TMEM164: variants seen among roughly 807,000 people sequenced by gnomAD.
TMEM164 encodes the protein transmembrane protein 164.
A neutral mutation model predicts 18.8 loss-of-function variants in TMEM164; 4 were observed. The ratio of observed to expected loss-of-function variants is 0.21; its 90% confidence interval spans 0.10 to 0.49. The LOEUF is 0.49. Ranked by LOEUF, TMEM164 falls within the 20% of genes least tolerant of loss-of-function variation. The probability of loss-of-function intolerance (pLI) is 0.98; values close to 1 mark genes in which losing one functional copy is unlikely to be tolerated. For missense variants in TMEM164, 108 were observed against 239.9 expected, an observed-to-expected ratio of 0.45 and a Z score of 3.63; for synonymous variants, 86 against 101.7, an observed-to-expected ratio of 0.85 and a Z score of 0.93.
chrX:110,134,497 T>C, intron 4 of TMEM164, among the ~76,000 whole-genome samples: 1 of 97,714 alleles, frequency 1.0e-5, no homozygotes, highest in East Asian at 3.1e-4. Flanking sequence ...GAGGCAGAGG[T>C]TGCAGTAAGC....
chrX:110,081,892 C>T (rs1003147556), intron 3 of TMEM164, among the ~76,000 whole-genome samples: 2 of 112,365 alleles, frequency 1.8e-5, no homozygotes, highest in Non-Finnish European at 3.8e-5. Context: ...AGGGGTATGA[C>T]GTGTGCAGCA....
intron 3 of TMEM164, among the ~76,000 whole-genome samples, chrX:110,079,813 C>A (rs905796044): frequency 5.1e-5 from 5 of 97,559 alleles, no homozygotes; most frequent in African/African-American, 1.9e-4. Context: ...AAAATGATGA[C>A]ACTCTGGGGA....
chrX:110,073,347 T>C lies in TMEM164; in HGVS notation c.440+5951T>C, dbSNP rs774085728. Among the ~76,000 whole-genome samples, 3 of 112,071 alleles carry C rather than the reference T, an allele frequency of 2.7e-5. No homozygotes were observed. The East Asian group carries it at 8.4e-4, about 31-fold the overall frequency. On this transcript the variant is annotated intron_variant, in intron 3 of 6. Coordinates refer to ENST00000372068, the MANE Select transcript of TMEM164 (RefSeq NM_032227.4). ...TACTATGCCTGGCTTGTTTTAACTA[T>C]CTTTATGTCTATGTGTATCTAATGT...
chrX:110,116,303 T>G (rs758975780), intron 4 of TMEM164, among the ~76,000 whole-genome samples: 37 of 112,342 alleles, frequency 3.3e-4, no homozygotes, highest in African/African-American at 1.2e-3. Flanking sequence ...AACGACTTGC[T>G]CAGAGTTACA....
chrX:110,093,974 A>G (rs1435801507), intron 3 of TMEM164, among the ~76,000 whole-genome samples: 1 of 111,440 alleles, frequency 9.0e-6, no homozygotes, highest in Non-Finnish European at 1.9e-5. Context: ...CAGGTTGTTC[A>G]GTTTCCATGT....
chrX:110,068,756 C>T (rs1204320744), intron 3 of TMEM164, among the ~76,000 whole-genome samples: 1 of 110,745 alleles, frequency 9.0e-6, no homozygotes, highest in East Asian at 2.8e-4. Context: ...CTAGTTCTAC[C>T]TTTCCACACT....
At chrX:110,005,527 G>T (rs1932646337) in intron 2 of TMEM164, among the ~76,000 whole-genome samples, 2 of 111,989 alleles carry the variant, frequency 1.8e-5, no homozygotes, top group Middle Eastern at 4.6e-3. Context: ...AATGACCCCA[G>T]CCCCTTCCCT....
intron 4 of TMEM164, among the ~76,000 whole-genome samples, chrX:110,129,101 C>T: frequency 3.1e-5 from 1 of 32,704 alleles, no homozygotes. Flanking sequence ...TGGAATCATG[C>T]TAAATGAATT....
intron 5 of TMEM164, among the ~76,000 whole-genome samples, chrX:110,151,272 A>G (rs2066934813): frequency 8.9e-6 from 1 of 111,911 alleles, no homozygotes; most frequent in African/African-American, 3.3e-5. Context: ...GCTGAATCAC[A>G]GTATATGCAT....
At position 110,130,681 on chromosome X, in the gene TMEM164, C is replaced by CT. The variant is rs752247755; in HGVS notation, c.508-14102dup. Among the ~76,000 whole-genome samples, 257 of 96,146 alleles carry CT rather than the reference C, an allele frequency of 2.7e-3. 2 individuals carry two copies. The highest frequency in any genetic ancestry group is 5.2e-3 in the Middle Eastern group (1 of 191). The allele number at this position is 96,146 out of a possible 115,157, so 83.5% of individuals were successfully genotyped here. ...AGGTAGGGGTTGAATACCTCTGTAT[C>CT]TTTTTTTTTTTTTTTAGGGAAATAT... On this transcript the variant is annotated intron_variant, in intron 4 of 6. Transcript: ENST00000372068.
intron 3 of TMEM164, among the ~76,000 whole-genome samples, chrX:110,096,309 C>T (rs1366724100): frequency 8.9e-6 from 1 of 112,785 alleles, no homozygotes; most frequent in Non-Finnish European, 1.9e-5. Flanking sequence ...GGCAGGCAGG[C>T]CTCCTTCAGC....
At chrX:110,139,782 G>A (rs1307342162) in intron 4 of TMEM164, among the ~76,000 whole-genome samples, 1 of 111,039 alleles carries the variant, frequency 9.0e-6, no homozygotes, top group Non-Finnish European at 1.9e-5. Context: ...TAGAAGTGAG[G>A]ACATGAGGTT....
intron 5 of TMEM164, among the ~76,000 whole-genome samples, chrX:110,170,974 C>T (rs1002539867): frequency 8.9e-6 from 1 of 111,849 alleles, no homozygotes; most frequent in Non-Finnish European, 1.9e-5. Context: ...ACATTCTCAA[C>T]CACTACACCA....
intron 4 of TMEM164, among the ~76,000 whole-genome samples, chrX:110,121,036 C>T (rs1338485683): frequency 9.0e-6 from 1 of 111,608 alleles, no homozygotes; most frequent in East Asian, 2.8e-4. Flanking sequence ...GTAAAATTTA[C>T]CCTCTCTACC....
rs188362019 is a variant in TMEM164, at chrX:110,076,125, T to C, written c.440+8729T>C. Among the ~76,000 whole-genome samples, 435 of 109,789 alleles carry C rather than the reference T, an allele frequency of 4.0e-3. 1 individual carries two copies. Among genetic ancestry groups the C allele is most frequent in the African/African-American group, 0.013 (400 of 30,243 alleles). ...ATGGCTTTTTTTGGTTGGTAGGTTT[T>C]CTTTTTTTACAATTACTGATTCAAT... On this transcript the variant is annotated intron_variant, in intron 3 of 6. Transcript: ENST00000372068.
intron 4 of TMEM164, among the ~76,000 whole-genome samples, chrX:110,130,401 A>C (rs1247773130): frequency 5.4e-5 from 6 of 111,964 alleles, no homozygotes; most frequent in Non-Finnish European, 1.1e-4. Flanking sequence ...CAGTTTTCTT[A>C]GGTTCTACCT....
At chrX:110,156,535 A>G (rs1212856925) in intron 5 of TMEM164, among the ~76,000 whole-genome samples, 2 of 111,798 alleles carry the variant, frequency 1.8e-5, no homozygotes, top group East Asian at 5.6e-4. Context: ...ATAGAGTATC[A>G]TTAACTGAGA....
At chrX:110,157,837 C>T (rs1015825750) in intron 5 of TMEM164, among the ~76,000 whole-genome samples, 6 of 111,173 alleles carry the variant, frequency 5.4e-5, no homozygotes, top group Non-Finnish European at 9.4e-5. Flanking sequence ...ATTTCTCATT[C>T]GATTTTAAGG....
chrX:110,095,703 C>T (rs2066006238), intron 3 of TMEM164, among the ~76,000 whole-genome samples: 1 of 112,617 alleles, frequency 8.9e-6, no homozygotes, highest in Non-Finnish European at 1.9e-5. Flanking sequence ...AGTCATTCTC[C>T]ATCCAGCTTT....
Sources: gnomAD v4.1 joint callset for allele counts (sites outside exome capture counted in the v4.1 genomes callset) on GRCh38, gnomAD v4.1.1 for gene constraint, MANE v1.5 for transcripts, NCBI Gene and HGNC (gene_info 2026-07-23, HGNC 2026-07-21) for gene names.